CHRDL1: variants seen among roughly 807,000 people sequenced by gnomAD.
CHRDL1 encodes chordin like 1.
CHRDL1 carries 19 observed loss-of-function variants against 40.9 expected under a neutral mutation model. That is an observed-to-expected ratio of 0.46 (90% CI 0.32 to 0.68). The LOEUF is 0.68. Ranked by LOEUF, CHRDL1 falls within the 30% of genes least tolerant of loss-of-function variation. CHRDL1 has a pLI of 0.03. For missense variants in CHRDL1, 329 were observed against 352.1 expected, an observed-to-expected ratio of 0.93 and a Z score of 0.53; for synonymous variants, 136 against 123.4, an observed-to-expected ratio of 1.10 and a Z score of -0.68.
At chrX:110,694,034 T>C in intron 8 of CHRDL1, 129 bp downstream of exon 8, 1 of 528,398 alleles carries the variant, frequency 1.9e-6, no homozygotes, top group Non-Finnish European at 3.2e-6. Flanking sequence ...ACAGACTTGA[T>C]GCTAAGTGAG....
rs138514208 is a variant in CHRDL1 at position 110,743,376 on chromosome X, T to A, written c.301+16285A>T. ...CTGAGCAGTTCCACACTTTCCACAT[T>A]GTCTCTGCTCCTTTGATTTTTCCCC... On this transcript the variant is annotated intron_variant, in intron 4 of 11. Transcript: ENST00000372042. 1.7e-3 allele frequency among the ~76,000 whole-genome samples: 195 copies of A among 112,319 alleles called. 1 individual carries two copies. The East Asian group carries it at 0.04, about 23-fold the overall frequency.
intron 2 of CHRDL1, among the ~76,000 whole-genome samples, chrX:110,785,804 T>C (rs1234614752): frequency 8.9e-6 from 1 of 112,047 alleles, no homozygotes; most frequent in East Asian, 2.8e-4. Flanking sequence ...ACAAATCATG[T>C]TAATAGAAAG....
Position 110,675,967 on chromosome X carries a change from C to T in CHRDL1, c.*264G>A, listed in dbSNP as rs2069768676. ...TAACCTGTAAAGAAATGTGATTCTC[C>T]AAGAAACTAGAGCAGTGTTGTGATG... On this transcript the variant is annotated 3_prime_UTR_variant, in exon 12 of 12. Transcript: ENST00000372042. 2.1e-5 allele frequency: 5 copies of T among 235,527 alleles called. No homozygotes were observed. In the Admixed American group the frequency reaches 3.4e-4, roughly 16 times the overall value. 19.4% of individuals were successfully genotyped at this position (235,527 alleles called of 1,213,427 possible).
At chrX:110,712,632 G>A (rs1025448424) in intron 6 of CHRDL1, among the ~76,000 whole-genome samples, 4 of 110,687 alleles carry the variant, frequency 3.6e-5, no homozygotes, top group African/African-American at 1.3e-4. Flanking sequence ...ACTTTGGGAG[G>A]CCGAGGCAGG....
intron 2 of CHRDL1, among the ~76,000 whole-genome samples, chrX:110,773,932 T>C (rs2089802570): frequency 9.1e-6 from 1 of 110,419 alleles, no homozygotes; most frequent in African/African-American, 3.3e-5. Context: ...ATGTCCTTAC[T>C]GATTTTCTGC....
At chrX:110,780,894 T>G (rs2148530229) in intron 2 of CHRDL1, among the ~76,000 whole-genome samples, 1 of 111,542 alleles carries the variant, frequency 9.0e-6, no homozygotes, top group Non-Finnish European at 1.9e-5. Context: ...ATTGTTATAT[T>G]AATCTCTATT....
chrX:110,721,436 T>A lies in CHRDL1; in HGVS notation c.396A>T (p.Glu132Asp). ...TYQHGELFVA[E>D]GLFQNRQPNQ... is the part of the protein sequence containing the mutation. ...TGGGTTGCCGATTCTGAAAGAGCCC[T>A]TCAGCTACGAACAGCTCTCCATGTT... The change falls in exon 5 of 12, where the codon GAA becomes GAT. Residue 132 changes from glutamate (E) to aspartate (D), a missense_variant. Transcript: ENST00000372042. 1 of 1,209,799 alleles carries A rather than the reference T, an allele frequency of 8.3e-7. No homozygotes were observed.
chrX:110,721,620 T>C (rs1014080415), intron 4 of CHRDL1, 90 bp from the exon 5 acceptor site: 9 of 761,185 alleles, frequency 1.2e-5, no homozygotes, highest in South Asian at 7.2e-5. Flanking sequence ...CTGTACTACA[T>C]AGAGGGAGTT....
chrX:110,687,214 CCATAAACCACACT>C (rs2070044522), intron 9 of CHRDL1, among the ~76,000 whole-genome samples: 3 of 111,688 alleles, frequency 2.7e-5, no homozygotes, highest in African/African-American at 9.8e-5. Context: ...TGTTGCCAGT[CCATAAACCACACT>C]TTGAGTAGCA....
intron 2 of CHRDL1, among the ~76,000 whole-genome samples, chrX:110,770,642 G>C (rs2089740167): frequency 9.0e-6 from 1 of 111,506 alleles, no homozygotes; most frequent in Admixed American, 9.5e-5. Flanking sequence ...TAGATAAAAA[G>C]AGAGAAGACA....
intron 9 of CHRDL1, among the ~76,000 whole-genome samples, chrX:110,686,903 A>AAAC (rs1490175530): frequency 9.3e-5 from 10 of 107,116 alleles, no homozygotes; most frequent in Non-Finnish European, 1.4e-4. Context: ...AAAAATAAAA[A>AAAC]AAAAAATAAA....
chrX:110,687,514 G>T (rs1185318456), intron 9 of CHRDL1, among the ~76,000 whole-genome samples: 1 of 112,076 alleles, frequency 8.9e-6, no homozygotes, highest in African/African-American at 3.2e-5. Flanking sequence ...CTAAGTTGAA[G>T]AAGTATATAA....
At chrX:110,689,386 C>A (rs750803349) in intron 8 of CHRDL1, among the ~76,000 whole-genome samples, 1 of 95,359 alleles carries the variant, frequency 1.0e-5, no homozygotes, top group East Asian at 3.1e-4. Context: ...CATGAGCCAC[C>A]GCACCCAGCC....
intron 4 of CHRDL1, among the ~76,000 whole-genome samples, chrX:110,742,492 A>T (rs991742799): frequency 1.8e-5 from 2 of 112,646 alleles, no homozygotes; most frequent in African/African-American, 6.5e-5. Context: ...GATAACAGAC[A>T]ACAGAAAGAC....
chrX:110,716,852 G>T (rs1026737331), intron 6 of CHRDL1, among the ~76,000 whole-genome samples: 1 of 111,420 alleles, frequency 9.0e-6, no homozygotes, highest in African/African-American at 3.3e-5. Context: ...ACCTGTACAT[G>T]TGCAGTTGTT....
In CHRDL1 at chrX:110,694,315, C is replaced by A. The variant is rs12688415; in HGVS notation, c.626G>T (p.Arg209Leu). Residue 209 changes from arginine (R) to leucine (L), a missense_variant, in exon 8 of 12, where the codon CGC (arginine) becomes CTC (leucine). By Grantham distance (102) the Arg-to-Leu change is moderately radical. Transcript: ENST00000372042. ...ANREARHSYH[R>L]SHYDPPPSRQ... ...GCTTGGTGGAGGATCATAGTGAGAG[C>A]GGTGGTAAGAATGTCTCTGTAAAAT... 9 of 1,204,155 alleles carry A rather than the reference C, an allele frequency of 7.5e-6. No homozygotes were observed.
At chrX:110,776,754 C>A (rs1489919045) in intron 2 of CHRDL1, among the ~76,000 whole-genome samples, 3 of 110,622 alleles carry the variant, frequency 2.7e-5, no homozygotes, top group Admixed American at 9.6e-5. Context: ...CCCCCTGTTA[C>A]CACTGCCACA....
At chrX:110,694,688 C>A (rs983390877) in intron 7 of CHRDL1, among the ~76,000 whole-genome samples, 1 of 111,997 alleles carries the variant, frequency 8.9e-6, no homozygotes, top group East Asian at 2.8e-4. Flanking sequence ...GTAGTCTGCA[C>A]GCAAGGCAGA....
intron 4 of CHRDL1, 57 bp from the exon 5 acceptor site, chrX:110,721,587 A>T (rs1367618252): frequency 9.7e-7 from 1 of 1,029,702 alleles, no homozygotes; most frequent in Admixed American, 2.2e-5. Flanking sequence ...CAAGAATTTC[A>T]TAAATCCCAA....
Sources: gnomAD v4.1 joint callset for allele counts (sites outside exome capture counted in the v4.1 genomes callset) on GRCh38, gnomAD v4.1.1 for gene constraint, MANE v1.5 for transcripts, NCBI Gene and HGNC (gene_info 2026-07-23, HGNC 2026-07-21) for gene names.